Variants in ENTPD1 observed in about 807,000 individuals in gnomAD.
ENTPD1 encodes ectonucleoside triphosphate diphosphohydrolase 1.
A neutral mutation model predicts 57.0 loss-of-function variants in ENTPD1; 33 were observed. That is an observed-to-expected ratio of 0.58 (90% CI 0.44 to 0.77). The LOEUF (loss-of-function observed/expected upper bound fraction) is 0.77, where lower values mean the gene tolerates loss of function less well. Ranked by LOEUF, ENTPD1 falls within the 30% of genes least tolerant of loss-of-function variation. The pLI, the probability that ENTPD1 is intolerant of heterozygous loss-of-function variation, is 0.00. For missense variants in ENTPD1, 501 were observed against 603.4 expected (o/e 0.83, Z 1.78); for synonymous variants, 202 against 218.8 (o/e 0.92, Z 0.68).
intron 1 of ENTPD1, among the ~76,000 whole-genome samples, chr10:95,767,256 A>G (rs577349755): frequency 2.7e-5 from 4 of 147,114 alleles, no homozygotes; most frequent in African/African-American, 1.0e-4. Context: ...GCAGAGCTTC[A>G]GTGAGCCGAG....
chr10:95,796,190 A>G (rs11188486), intron 1 of ENTPD1, among the ~76,000 whole-genome samples: 82,001 of 152,030 alleles, frequency 0.54, 22,543 homozygotes, highest in Admixed American at 0.63. Context: ...CTATAGGCCA[A>G]ACCCTTTGCT....
chr10:95,771,827 C>T (rs7919196), intron 1 of ENTPD1, among the ~76,000 whole-genome samples: 35,382 of 151,980 alleles, frequency 0.23, 4,887 homozygotes, highest in African/African-American at 0.38. Flanking sequence ...TTCATGTATC[C>T]GAAGGCTTCC....
intron 2 of ENTPD1, among the ~76,000 whole-genome samples, chr10:95,835,176 T>C (rs2098406717): frequency 6.6e-6 from 1 of 152,218 alleles, no homozygotes; most frequent in Non-Finnish European, 1.5e-5. Flanking sequence ...CTTCCACTTA[T>C]AAGAATATGC....
At chr10:95,708,638 A>T (rs1351199270), upstream of ENTPD1, among the ~76,000 whole-genome samples, 3 of 152,244 alleles carry the variant, frequency 2.0e-5, no homozygotes, top group Non-Finnish European at 4.4e-5. Context: ...ATAAACTATG[A>T]TGCATTCATT....
chr10:95,768,904 T>C (rs2042167979), intron 1 of ENTPD1, among the ~76,000 whole-genome samples: 1 of 152,238 alleles, frequency 6.6e-6, no homozygotes, highest in Non-Finnish European at 1.5e-5. Flanking sequence ...CACCTTATCC[T>C]AAAAAGTATT....
intron 1 of ENTPD1, among the ~76,000 whole-genome samples, chr10:95,773,078 T>G (rs2098120910): frequency 6.6e-6 from 1 of 151,780 alleles, no homozygotes; most frequent in African/African-American, 2.4e-5. Context: ...AAGCAAAGTA[T>G]AGAGAGGCCG....
Position 95,870,448 on chromosome 10 carries a change from ATT to A in ENTPD1, c.*4073_*4074del. On this transcript the variant is annotated 3_prime_UTR_variant, in exon 10 of 10. Transcript: ENST00000371205. The stretch of plus-strand genomic sequence containing the variant: ...CAGGTGTGCACCACCATGTCTAGCT[ATT>A]TTTTTTTCTGTAGAGACAGGGTTTT... The A allele has an allele frequency of 1.5e-6, 1 of 684,632 alleles. No individual in the cohort carries two copies. The highest frequency in any genetic ancestry group is 1.8e-6 in the Non-Finnish European group (1 of 556,444). 42.4% of individuals were successfully genotyped at this position (684,632 alleles called of 1,614,324 possible).
intron 2 of ENTPD1, among the ~76,000 whole-genome samples, chr10:95,826,756 C>G (rs981893978): frequency 3.3e-5 from 5 of 151,848 alleles, no homozygotes; most frequent in Non-Finnish European, 7.4e-5. Flanking sequence ...AGTTTTAATC[C>G]TAAGAGTAGT....
At chr10:95,817,479 C>A (rs2098334047) in intron 1 of ENTPD1, among the ~76,000 whole-genome samples, 1 of 152,194 alleles carries the variant, frequency 6.6e-6, no homozygotes, top group African/African-American at 2.4e-5. Flanking sequence ...AGTTGCTAAG[C>A]ATAGATTATA....
chr10:95,842,139 C>A (rs572728172), intron 3 of ENTPD1, among the ~76,000 whole-genome samples: 1 of 152,256 alleles, frequency 6.6e-6, no homozygotes, highest in Non-Finnish European at 1.5e-5. Context: ...GAACACTGAA[C>A]AGACCCAACT....
At chr10:95,834,968 G>A (rs1298212824) in intron 2 of ENTPD1, among the ~76,000 whole-genome samples, 2 of 152,022 alleles carry the variant, frequency 1.3e-5, no homozygotes, top group Non-Finnish European at 2.9e-5. Context: ...AGACTCATGG[G>A]GCACATGTGC....
chr10:95,742,898 G>A (rs750789011), intron 1 of ENTPD1, among the ~76,000 whole-genome samples: 1 of 152,178 alleles, frequency 6.6e-6, no homozygotes, highest in Non-Finnish European at 1.5e-5. Context: ...GAAAAGTTAT[G>A]AAGATAGTAC....
Position 95,842,478 on chromosome 10 carries a change from G to A in ENTPD1, c.397G>A (p.Gly133Ser), listed in dbSNP as rs758939043. The A allele has an allele frequency of 6.2e-7, 1 of 1,614,054 alleles. No individual in the cohort carries two copies. The highest frequency in any genetic ancestry group is 8.5e-7 in the Non-Finnish European group (1 of 1,179,990). Reference sequence around the variant, plus strand: ...ACCCGTTTACCTGGGAGCCACGGCAGGCATGCGGTTGCTCAGGTATAGCAG... The same window carrying A: ...ACCCGTTTACCTGGGAGCCACGGCAAGCATGCGGTTGCTCAGGTATAGCAG... ...ETPVYLGATA[G>S]MRLLRMESEE... is the part of the protein sequence containing the mutation. Residue 133 changes from glycine to serine, a missense_variant, in exon 4 of 10, where the codon GGC becomes AGC. Coordinates refer to ENST00000371205, the MANE Select transcript of ENTPD1 (RefSeq NM_001776.6).
At chr10:95,862,069 CTA>C (rs2098466329) in intron 8 of ENTPD1, among the ~76,000 whole-genome samples, 1 of 151,972 alleles carries the variant, frequency 6.6e-6, no homozygotes, top group Non-Finnish European at 1.5e-5. Context: ...CTTCATAAGA[CTA>C]TGTTAGGCTG....
intron 1 of ENTPD1, among the ~76,000 whole-genome samples, chr10:95,813,101 TGAAGA>T (rs1233944157): frequency 2.0e-5 from 3 of 152,242 alleles, no homozygotes; most frequent in Non-Finnish European, 4.4e-5. Flanking sequence ...TTACAAATTT[TGAAGA>T]GAAGAGGAGA....
chr10:95,812,478 A>G (rs1589965480), intron 1 of ENTPD1, among the ~76,000 whole-genome samples: 4 of 152,330 alleles, frequency 2.6e-5, no homozygotes, highest in Admixed American at 2.6e-4. Context: ...CAATTTGTAT[A>G]CATTTGCCAG....
chr10:95,842,590 C>G, intron 4 of ENTPD1, 96 bp downstream of exon 4: 2 of 1,361,760 alleles, frequency 1.5e-6, no homozygotes. Flanking sequence ...TCCCTAATAC[C>G]CCAAGTTCTA....
intron 1 of ENTPD1, among the ~76,000 whole-genome samples, chr10:95,817,642 G>A (rs572597114): frequency 6.6e-6 from 1 of 152,298 alleles, no homozygotes; most frequent in Non-Finnish European, 1.5e-5. Context: ...TCCAGATGCT[G>A]TAAAGCTCTT....
intron 2 of ENTPD1, among the ~76,000 whole-genome samples, chr10:95,837,160 C>G (rs1056423350): frequency 6.6e-5 from 10 of 152,170 alleles, no homozygotes; most frequent in African/African-American, 2.2e-4. Context: ...AGAAGCAAGC[C>G]TGGTTCTTTG....
Sources: gnomAD v4.1 joint callset for allele counts (sites outside exome capture counted in the v4.1 genomes callset) on GRCh38, gnomAD v4.1.1 for gene constraint, MANE v1.5 for transcripts, NCBI Gene and HGNC (gene_info 2026-07-23, HGNC 2026-07-21) for gene names.